Variants in SCN1A observed in about 807,000 individuals in gnomAD.
SCN1A encodes sodium voltage-gated channel alpha subunit 1.
Under a neutral mutation model 193.7 loss-of-function variants are expected in SCN1A, and 13 were observed. The ratio of observed to expected loss-of-function variants is 0.07; its 90% CI spans 0.04 to 0.11. SCN1A has a LOEUF of 0.11. Among genes scored for constraint, SCN1A ranks in the 10% least tolerant of loss-of-function variants. SCN1A has a pLI of 1.00. For missense variants in SCN1A, 1,432 were observed against 2,451.1 expected, an observed-to-expected ratio of 0.58 and a Z score of 8.78; for synonymous variants, 781 against 843.6, an observed-to-expected ratio of 0.93 and a Z score of 1.29.
intron 19 of SCN1A, among the ~76,000 whole-genome samples, chr2:166,025,413 T>G (rs1218094520): frequency 6.6e-6 from 1 of 152,148 alleles, no homozygotes; most frequent in East Asian, 1.9e-4. Context: ...GGGTGTTTGC[T>G]TTTTTCTAGG....
rs927438979 is a variant in SCN1A, at chr2:166,102,503, AAAAAAAAAAAAGAAAAAAAAG to A, written c.-142+24400_-142+24420del. On this transcript the variant is annotated intron_variant, in intron 2 of 28. Coordinates refer to ENST00000674923, the MANE Select transcript of SCN1A (RefSeq NM_001165963.4). ...GCGACAGAGTAAGATTACATCTCAA[AAAAAAAAAAAAGAAAAAAAAG>A]AAAAAAAAAAAGTCAGAAAATAACA... 3.6e-5 allele frequency among the ~76,000 whole-genome samples: 5 copies of A among 138,206 alleles called. No individual in the cohort carries two copies. The East Asian group carries it at 1.0e-3, about 28-fold the overall frequency. The allele number at this position is 138,206 out of a possible 152,430, so 90.7% of individuals were successfully genotyped here.
At chr2:166,096,533 G>T (rs556292258) in intron 2 of SCN1A, among the ~76,000 whole-genome samples, 1 of 152,202 alleles carries the variant, frequency 6.6e-6, no homozygotes, top group African/African-American at 2.4e-5. Context: ...ACCCACCTCG[G>T]CCTCCCAAAG....
chr2:166,087,116 C>T (rs940101377), intron 2 of SCN1A, among the ~76,000 whole-genome samples: 14 of 150,792 alleles, frequency 9.3e-5, no homozygotes, highest in African/African-American at 3.4e-4. Context: ...GCCTCATTCT[C>T]ACTGTAACGA....
intron 2 of SCN1A, among the ~76,000 whole-genome samples, chr2:166,087,140 C>G (rs1445720192): frequency 6.7e-6 from 1 of 148,956 alleles, no homozygotes; most frequent in Admixed American, 6.7e-5. Flanking sequence ...AGTCCTTGCT[C>G]TGTTAGTTCT....
intron 12 of SCN1A, among the ~76,000 whole-genome samples, chr2:166,045,732 G>C (rs1697756185): frequency 6.6e-6 from 1 of 152,136 alleles, no homozygotes; most frequent in South Asian, 2.1e-4. Flanking sequence ...TTAAGGCAGG[G>C]GAATGGGATA....
At chr2:166,102,268 G>A (rs938755500) in intron 2 of SCN1A, among the ~76,000 whole-genome samples, 1 of 152,098 alleles carries the variant, frequency 6.6e-6, no homozygotes, top group African/African-American at 2.4e-5. Flanking sequence ...AGGTTGAGGC[G>A]GGCGGATCAC....
chr2:166,126,388 T>C (rs538867450), intron 2 of SCN1A: 3 of 152,160 alleles, frequency 2.0e-5, no homozygotes, highest in Non-Finnish European at 4.4e-5. Context: ...AATGCACAGC[T>C]GAGGGAAAGA....
chr2:166,103,578 G>A (rs979378584), intron 2 of SCN1A, among the ~76,000 whole-genome samples: 2 of 152,100 alleles, frequency 1.3e-5, no homozygotes, highest in Non-Finnish European at 2.9e-5. Flanking sequence ...GGGATATGAG[G>A]AGGGGGAAAA....
chr2:166,081,591 G>C (rs1246848155), intron 2 of SCN1A: 1 of 151,706 alleles, frequency 6.6e-6, no homozygotes, highest in East Asian at 1.9e-4. Context: ...ATGAAATTTA[G>C]TGTTTCCCAT....
chr2:166,022,755 G>A (rs1365954), intron 19 of SCN1A, among the ~76,000 whole-genome samples: 2 of 152,112 alleles, frequency 1.3e-5, no homozygotes, highest in African/African-American at 4.8e-5. Context: ...TTTTCTTCAA[G>A]AAATAAATAA....
chr2:166,023,675 C>T (rs897961285), intron 19 of SCN1A, among the ~76,000 whole-genome samples: 8 of 151,668 alleles, frequency 5.3e-5, no homozygotes, highest in African/African-American at 1.9e-4. Context: ...TGGGCCTGCA[C>T]AGTCTGGGTA....
Position 166,015,628 on chromosome 2 carries a change from G to A in SCN1A, c.3529C>T (p.Pro1177Ser). ...TTACCTTCAGTGAAACAAGCTTCTG[G>A]TTCAAGAGTTTCTTCAGGTTCCACT... The part of the protein sequence containing the change: ...PVVEPEETLE[P>S]EACFTEGCVQ... The change falls in exon 20 of 29, where the codon CCA becomes TCA. Residue 1177 changes from proline to serine, a missense_variant. By Grantham distance (74) the Pro-to-Ser change is moderately conservative. Coordinates refer to ENST00000674923, the MANE Select transcript of SCN1A (RefSeq NM_001165963.4). 6.2e-7 allele frequency: 1 copy of A among 1,612,702 alleles called. No individual in the cohort carries two copies. Among genetic ancestry groups the A allele is most frequent in the Non-Finnish European group, 8.5e-7 (1 of 1,178,936 alleles).
chr2:165,999,663 C>G (rs1023808753), intron 25 of SCN1A, 60 bp downstream of exon 25: 12 of 1,193,030 alleles, frequency 1.0e-5, no homozygotes, highest in Non-Finnish European at 1.5e-5. Context: ...ATGCTTTATT[C>G]GATTAATTTT....
rs1691101046 is a variant in SCN1A at position 166,002,756 on chromosome 2, A to G, written c.4003-3T>C. Reference sequence around the variant, plus strand: ...CCTAAAAGGGCATTCACAACCACCTAATACACAAATGGAAAAAAAGAAAAG... The same window carrying G: ...CCTAAAAGGGCATTCACAACCACCTGATACACAAATGGAAAAAAAGAAAAG... On this transcript the variant is annotated splice_polypyrimidine_tract_variant and splice_region_variant and intron_variant, in intron 23 of 28. Coordinates refer to ENST00000674923, the MANE Select transcript of SCN1A (RefSeq NM_001165963.4). The G allele has an allele frequency of 6.2e-7, 1 of 1,602,406 alleles. No homozygotes were observed. Among genetic ancestry groups the G allele is most frequent in the Non-Finnish European group, 8.5e-7 (1 of 1,175,894 alleles).
chr2:166,136,818 C>T (rs945891172), intron 1 of SCN1A, among the ~76,000 whole-genome samples: 3 of 152,104 alleles, frequency 2.0e-5, no homozygotes, highest in African/African-American at 4.8e-5. Context: ...CTTTAGAAGA[C>T]CCAACTGAGA....
intron 7 of SCN1A, among the ~76,000 whole-genome samples, chr2:166,054,033 AG>A (rs1698871177): frequency 6.6e-6 from 1 of 151,958 alleles, no homozygotes; most frequent in Admixed American, 6.6e-5. Context: ...AAGAAAGAAA[AG>A]GGGTCAGGAG....
intron 1 of SCN1A, chr2:166,133,778 T>A (rs1691752180): frequency 6.6e-6 from 1 of 152,174 alleles, no homozygotes; most frequent in African/African-American, 2.4e-5. Context: ...CAGGGAGCCA[T>A]TATGCCTTCA....
chr2:166,087,803 G>A (rs1255804042), intron 2 of SCN1A, among the ~76,000 whole-genome samples: 1 of 152,168 alleles, frequency 6.6e-6, no homozygotes, highest in Non-Finnish European at 1.5e-5. Context: ...TTAGAGATGT[G>A]GAGACTATGA....
chr2:166,148,525 G>T (rs1055943157), intron 1 of SCN1A, among the ~76,000 whole-genome samples: 1 of 152,088 alleles, frequency 6.6e-6, no homozygotes, highest in Non-Finnish European at 1.5e-5. Context: ...GTCGAATGGC[G>T]CTTTTGCTGC....
Sources: allele counts gnomAD v4.1 joint callset (sites outside exome capture counted in the v4.1 genomes callset), GRCh38; gene constraint gnomAD v4.1.1; transcripts MANE v1.5; gene names NCBI Gene and HGNC (gene_info 2026-07-23, HGNC 2026-07-21).